SEMA6D: variants seen among roughly 807,000 people sequenced by gnomAD.
SEMA6D encodes the protein semaphorin-6D.
Under a neutral mutation model 106.6 loss-of-function variants are expected in SEMA6D, and 35 were observed. The ratio of observed to expected loss-of-function variants is 0.33; its 90% CI spans 0.25 to 0.44. The LOEUF is 0.44. Among genes scored for constraint, SEMA6D ranks in the 20% least tolerant of loss-of-function variants. The pLI is 1.00. For synonymous variants in SEMA6D, 499 were observed against 487.7 expected (o/e 1.02, Z -0.31); for missense variants, 1,185 against 1,345.9 (o/e 0.88, Z 1.87).
intron 11 of SEMA6D, 74 bp from the exon 12 acceptor site, chr15:47,764,564 A>G: frequency 6.3e-7 from 1 of 1,575,976 alleles, no homozygotes; most frequent in Non-Finnish European, 8.6e-7. Context: ...GAGAATATAC[A>G]CTTATTCCTT....
intron 3 of SEMA6D, among the ~76,000 whole-genome samples, chr15:47,599,414 G>T (rs1039768368): frequency 6.7e-6 from 1 of 150,326 alleles, no homozygotes; most frequent in Non-Finnish European, 1.5e-5. Context: ...GAGCAACAGA[G>T]GTTGGAGATC....
chr15:47,443,017 A>G (rs2041927440), intron 2 of SEMA6D, among the ~76,000 whole-genome samples: 1 of 152,154 alleles, frequency 6.6e-6, no homozygotes, highest in African/African-American at 2.4e-5. Context: ...GAGTAGTTTC[A>G]GATTATTACA....
At chr15:47,502,743 T>C (rs1220522195) in intron 3 of SEMA6D, among the ~76,000 whole-genome samples, 1 of 152,216 alleles carries the variant, frequency 6.6e-6, no homozygotes, top group African/African-American at 2.4e-5. Context: ...GTCTCTTGAC[T>C]CTACCTCCAT....
In SEMA6D at chr15:47,502,451, A is replaced by G. The variant is rs185052228; in HGVS notation, c.-87+31906A>G. ...TTGTTTTGGTCCTGCCCCCTAAATGAAAGGGCTTCCTGGGATCAGGCCACC... is the reference window on the plus strand; with the variant it reads ...TTGTTTTGGTCCTGCCCCCTAAATGGAAGGGCTTCCTGGGATCAGGCCACC... On this transcript the variant is annotated intron_variant, in intron 3 of 19. Coordinates refer to the SEMA6D transcript ENST00000558014. 2.2e-3 allele frequency among the ~76,000 whole-genome samples: 341 copies of G among 152,326 alleles called. 1 individual carries two copies. The highest frequency in any genetic ancestry group is 5.5e-3 in the Admixed American group (84 of 15,300).
intron 4 of SEMA6D, among the ~76,000 whole-genome samples, chr15:47,659,963 A>G (rs1016271130): frequency 3.9e-5 from 6 of 152,082 alleles, no homozygotes; most frequent in African/African-American, 1.4e-4. Context: ...ATTAACTTTG[A>G]TCATTACCAA....
intron 3 of SEMA6D, among the ~76,000 whole-genome samples, chr15:47,546,749 T>C (rs2045533608): frequency 6.7e-6 from 1 of 149,456 alleles, no homozygotes; most frequent in Non-Finnish European, 1.5e-5. Flanking sequence ...TGGACACAAC[T>C]GATCCTACTG....
rs1188349239 is a variant in SEMA6D at position 47,223,194 on chromosome 15, G to A, written c.-239+38776G>A. On this transcript the variant is annotated intron_variant, in intron 1 of 19. Coordinates refer to the SEMA6D transcript ENST00000558014. ...CAGATATTTACAAAATCTTCACAAGGATTGTGACAATCTTCTTTGATTTTT... is the reference window on the plus strand; with the variant it reads ...CAGATATTTACAAAATCTTCACAAGAATTGTGACAATCTTCTTTGATTTTT... Among the ~76,000 whole-genome samples, 4 of 150,962 alleles carry A rather than the reference G, an allele frequency of 2.6e-5. No homozygotes were observed. The East Asian group carries it at 7.7e-4, about 29-fold the overall frequency.
intron 3 of SEMA6D, among the ~76,000 whole-genome samples, chr15:47,518,859 C>A (rs1312757558): frequency 6.6e-6 from 1 of 152,078 alleles, no homozygotes; most frequent in Non-Finnish European, 1.5e-5. Context: ...TCTGGAATAC[C>A]ACCTGAAGGA....
intron 4 of SEMA6D, among the ~76,000 whole-genome samples, chr15:47,712,365 C>T (rs1312922502): frequency 2.0e-5 from 3 of 152,034 alleles, no homozygotes; most frequent in Non-Finnish European, 4.4e-5. Flanking sequence ...GAGGGGCAAA[C>T]AAACCGGGAT....
At chr15:47,425,202 T>G (rs1234422269) in intron 2 of SEMA6D, among the ~76,000 whole-genome samples, 1 of 152,034 alleles carries the variant, frequency 6.6e-6, no homozygotes, top group Non-Finnish European at 1.5e-5. Flanking sequence ...TCCCTGGTTA[T>G]TTAGTGAAAT....
At chr15:47,671,236 C>T (rs2078130551) in intron 4 of SEMA6D, among the ~76,000 whole-genome samples, 4 of 152,248 alleles carry the variant, frequency 2.6e-5, no homozygotes, top group South Asian at 2.1e-4. Flanking sequence ...TTTTGTTTGT[C>T]ACTATGCTGG....
At chr15:47,229,641 A>C (rs2141544640) in intron 1 of SEMA6D, among the ~76,000 whole-genome samples, 1 of 152,228 alleles carries the variant, frequency 6.6e-6, no homozygotes, top group South Asian at 2.1e-4. Flanking sequence ...TTGGCTAATC[A>C]AATTCTAAGA....
At chr15:47,501,572 G>T (rs924352698) in intron 3 of SEMA6D, among the ~76,000 whole-genome samples, 3 of 152,122 alleles carry the variant, frequency 2.0e-5, no homozygotes, top group Non-Finnish European at 4.4e-5. Flanking sequence ...GTCTATATCT[G>T]CCCTTGCTTA....
chr15:47,207,995 A>G (rs781440507), intron 1 of SEMA6D, among the ~76,000 whole-genome samples: 714 of 10,082 alleles, frequency 0.071, 9 homozygotes, highest in East Asian at 0.23. Flanking sequence ...GCGCGCGCGC[A>G]CACACACACA....
chr15:47,395,225 A>G (rs538632262), intron 1 of SEMA6D, among the ~76,000 whole-genome samples: 64 of 152,332 alleles, frequency 4.2e-4, no homozygotes, highest in African/African-American at 1.5e-3. Context: ...AGTGAGGGGG[A>G]AGAGATTTTC....
Position 47,404,483 on chromosome 15 carries a change from G to T in SEMA6D, c.-238-7910G>T, listed in dbSNP as rs563993941. Among the ~76,000 whole-genome samples, 3 of 152,290 alleles carry T rather than the reference G, an allele frequency of 2.0e-5. No individual in the cohort carries two copies. The East Asian group carries it at 5.8e-4, about 29-fold the overall frequency. On this transcript the variant is annotated intron_variant, in intron 1 of 19. Transcript: ENST00000558014. The stretch of plus-strand genomic sequence containing the variant: ...CCTGGATTCGATCACAGGACCATCT[G>T]ATTGAAAAGCCTGAGCTCTTTGTAG...
chr15:47,218,790 A>G (rs781412899), intron 1 of SEMA6D, among the ~76,000 whole-genome samples: 6 of 152,206 alleles, frequency 3.9e-5, no homozygotes, highest in Non-Finnish European at 7.3e-5. Context: ...TAACGGTCAC[A>G]GTAACTCTAG....
At chr15:47,527,294 A>G (rs1269395874) in intron 3 of SEMA6D, among the ~76,000 whole-genome samples, 3 of 152,224 alleles carry the variant, frequency 2.0e-5, no homozygotes, top group African/African-American at 7.2e-5. Context: ...AAAAAAAATC[A>G]ATGTTTAACT....
chr15:47,672,416 G>A (rs889358479), intron 4 of SEMA6D, among the ~76,000 whole-genome samples: 1 of 152,154 alleles, frequency 6.6e-6, no homozygotes, highest in African/African-American at 2.4e-5. Flanking sequence ...AAGCTTATAA[G>A]AGAAGAAAAA....
Sources: gnomAD v4.1 joint callset for allele counts (sites outside exome capture counted in the v4.1 genomes callset) on GRCh38, gnomAD v4.1.1 for gene constraint, MANE v1.5 for transcripts, NCBI Gene and HGNC (gene_info 2026-07-23, HGNC 2026-07-21) for gene names.